Variants in ABCF2 observed in about 807,000 individuals in gnomAD.
ABCF2 encodes the protein ATP binding cassette subfamily F member 2, also known as ATP-binding cassette sub-family F member 2.
ABCF2 carries 37 observed loss-of-function variants against 76.9 expected under a neutral mutation model. The observed-to-expected ratio is 0.48, with a 90% CI of 0.37 to 0.63. The LOEUF (loss-of-function observed/expected upper bound fraction) is 0.63, where lower values mean the gene tolerates loss of function less well. ABCF2 is among the 30% of genes least tolerant of loss of function. ABCF2 has a pLI of 0.00. For missense variants in ABCF2, 524 were observed against 782.1 expected (o/e 0.67, Z 3.94); for synonymous variants, 299 against 283.7 (o/e 1.05, Z -0.54).
At position 151,214,341 on chromosome 7, in the gene ABCF2, G is replaced by A; in HGVS notation, c.1735-150C>T. Reference sequence around the variant, plus strand: ...TCACTACTTCTAAGTTATTTGGGATGTTCTAACCCAAGGGTACCATCATCA... The same window carrying A: ...TCACTACTTCTAAGTTATTTGGGATATTCTAACCCAAGGGTACCATCATCA... On this transcript the variant is annotated intron_variant, in intron 14 of 14. Transcript: ENST00000287844. This position sits in a 1 kb window ranked among gnomAD's most constrained non-coding sequence, Gnocchi z 4.9. 1 of 1,225,186 alleles carries A rather than the reference G, an allele frequency of 8.2e-7. No individual in the cohort carries two copies. Among genetic ancestry groups the A allele is most frequent in the Non-Finnish European group, 1.1e-6 (1 of 870,416 alleles). 75.9% of individuals were successfully genotyped at this position (1,225,186 alleles called of 1,614,324 possible). A position where few individuals can be genotyped will look rare whatever the true frequency, so the allele number is the denominator to read the frequency against.
At position 151,219,140 on chromosome 7, in the gene ABCF2, A is replaced by G; in HGVS notation, c.941T>C (p.Val314Ala). ...KYYTGNYDQY[V>A]KTRLELEENQ... ...CTCCTCCAGCTCTAGCCGCGTCTTC[A>G]CGTACTGATCATAATTACCCTGCAT... Residue 314 changes from valine (V) to alanine (A), a missense_variant, in exon 8 of 15, where the codon GTG (valine) becomes GCG (alanine). Around this residue, in one of 2 missense-constraint regions of ABCF2, gnomAD observed 330 missense variants for 433.6 expected, o/e 0.76. Transcript: ENST00000287844. The G allele has an allele frequency of 1.2e-6, 2 of 1,613,988 alleles. No individual in the cohort carries two copies. The highest frequency in any genetic ancestry group is 1.7e-6 in the Non-Finnish European group (2 of 1,179,986).
chr7:151,223,537 C>A, intron 5 of ABCF2, 141 bp downstream of exon 5: 2 of 996,238 alleles, frequency 2.0e-6, no homozygotes, highest in African/African-American at 1.6e-5. Context: ...CCATACACAA[C>A]AACCCCCTCC....
At chr7:151,222,368 T>C (rs1206911879) in intron 6 of ABCF2, among the ~76,000 whole-genome samples, 153 bp downstream of exon 6, 1 of 152,098 alleles carries the variant, frequency 6.6e-6, no homozygotes, top group Non-Finnish European at 1.5e-5. Flanking sequence ...TCAACAGCCC[T>C]AAAGGTGCTC....
intron 11 of ABCF2, among the ~76,000 whole-genome samples, chr7:151,217,039 T>C (rs1174754186): frequency 6.6e-6 from 1 of 152,260 alleles, no homozygotes; most frequent in Non-Finnish European, 1.5e-5. Flanking sequence ...TAATCACGAA[T>C]GTGGCTGGTT....
rs926378554 is a variant in ABCF2 at position 151,215,019 on chromosome 7, A to C, written c.1594T>G (p.Trp532Gly). Residue 532 changes from tryptophan to glycine, a missense_variant, in exon 14 of 15, where the codon TGG (tryptophan) becomes GGG (glycine). Coordinates refer to ENST00000287844, the MANE Select transcript of ABCF2 (RefSeq NM_007189.3). This position sits in a 1 kb window ranked among gnomAD's most constrained non-coding sequence, Gnocchi z 4.6. ...AGGAAGAGCATGTGGGGGTTCTGCC[A>C]GGCCAGCCAGGCCAGACACACTCGG... ...KCRVCLAWLA[W>G]QNPHMLFLDE... 1.9e-6 allele frequency: 3 copies of C among 1,614,062 alleles called. No homozygotes were observed. The highest frequency in any genetic ancestry group is 1.7e-6 in the Non-Finnish European group (2 of 1,180,030).
rs552119180 is a variant in ABCF2, at chr7:151,225,389, A to G, written c.155-401T>C. Among the ~76,000 whole-genome samples, 9 of 152,372 alleles carry G rather than the reference A, an allele frequency of 5.9e-5. No homozygotes were observed. In the South Asian group the frequency reaches 1.7e-3, roughly 28 times the overall value. On this transcript the variant is annotated intron_variant, in intron 2 of 14. Coordinates refer to ENST00000287844, the MANE Select transcript of ABCF2 (RefSeq NM_007189.3). The stretch of plus-strand genomic sequence containing the variant: ...AGAAGCAAGTCATAAAAAAAACCCA[A>G]GACAGGGTCCTTGCACTCAAAGATG...
rs766733001 is a variant in ABCF2, at chr7:151,223,745, G to A, written c.655C>T (p.Pro219Ser). 6.2e-7 allele frequency: 1 copy of A among 1,613,462 alleles called. No individual in the cohort carries two copies. The highest frequency in any genetic ancestry group is 1.1e-5 in the South Asian group (1 of 91,008). ...TTTAGCTTCTTGCGCTGCATGGCAG[G>A]TGTGAAACCCAGTCCATGCAAGATC... is the stretch of plus-strand genomic sequence containing the variant. ...SRILHGLGFT[P>S]AMQRKKLKDF... Residue 219 changes from proline to serine, a missense_variant, in exon 5 of 15, where the codon CCT becomes TCT. Physicochemically the swap from Pro to Ser is moderately conservative, Grantham distance 74. Around this residue, in one of 2 missense-constraint regions of ABCF2, gnomAD observed 330 missense variants for 433.6 expected, o/e 0.76. Coordinates refer to ENST00000287844, the MANE Select transcript of ABCF2 (RefSeq NM_007189.3).
chr7:151,211,485 A>AT lies in ABCF2; in HGVS notation c.*2568_*2569insA. On this transcript the variant is annotated 3_prime_UTR_variant, in exon 15 of 15. Transcript: ENST00000287844. ...TCTCAATCCAAAACAAGGCACTGCT[A>AT]ATTTTAGAAATATGTATTTTGTGGA... 2.1e-6 allele frequency: 2 copies of AT among 972,254 alleles called. No individual in the cohort carries two copies. The highest frequency in any genetic ancestry group is 2.4e-6 in the Non-Finnish European group (2 of 817,832). The allele number at this position is 972,254 out of a possible 1,614,324, so 60.2% of individuals were successfully genotyped here.
At chr7:151,218,375 T>C (rs1364565452) in intron 10 of ABCF2, among the ~76,000 whole-genome samples, 184 bp from the exon 11 acceptor site, 1 of 152,094 alleles carries the variant, frequency 6.6e-6, no homozygotes, top group South Asian at 2.1e-4. Flanking sequence ...TGAGTAGTCT[T>C]CTTTCCATAT....
At chr7:151,221,515 T>TTA in intron 7 of ABCF2, 63 bp downstream of exon 7, 2 of 1,083,910 alleles carry the variant, frequency 1.8e-6, no homozygotes, top group Non-Finnish European at 2.7e-6. Flanking sequence ...TTTTTTTTTT[T>TTA]AAAGAGAATT....
intron 11 of ABCF2, among the ~76,000 whole-genome samples, chr7:151,217,839 T>TCA (rs1471311505): frequency 1.3e-5 from 2 of 150,962 alleles, no homozygotes; most frequent in African/African-American, 2.4e-5. Flanking sequence ...ATACATGTAT[T>TCA]CACACACACA....
In ABCF2 at chr7:151,218,077, A is replaced by G. The variant is rs781423460; in HGVS notation, c.1338+4T>C. 22 of 1,608,120 alleles carry G rather than the reference A, an allele frequency of 1.4e-5. No homozygotes were observed. Among genetic ancestry groups the G allele is most frequent in the Non-Finnish European group, 1.8e-5 (21 of 1,174,768 alleles). On this transcript the variant is annotated splice_donor_region_variant and intron_variant, in intron 11 of 14. Coordinates refer to ENST00000287844, the MANE Select transcript of ABCF2 (RefSeq NM_007189.3). ...AGGGATCCACGCCCACCTTGGCACC[A>G]TACCTCTCCAGTTAGCAGCTTCAGA...
chr7:151,217,817 G>A (rs1242439279), intron 11 of ABCF2, among the ~76,000 whole-genome samples: 3 of 151,046 alleles, frequency 2.0e-5, no homozygotes, highest in African/African-American at 4.9e-5. Flanking sequence ...AAATAGAAAC[G>A]TGCTTAAACA....
chr7:151,218,796 T>C lies in ABCF2; in HGVS notation c.1095A>G (p.Lys365=). 1.2e-6 allele frequency: 2 copies of C among 1,613,718 alleles called. No homozygotes were observed. Among genetic ancestry groups the C allele is most frequent in the Non-Finnish European group, 1.7e-6 (2 of 1,179,986 alleles). Residue 365 remains lysine, a synonymous_variant, in exon 9 of 15, where the codon AAA becomes AAG. Coordinates refer to ENST00000287844, the MANE Select transcript of ABCF2 (RefSeq NM_007189.3). ...TCTCTGTCAGTCCTGATGCCATCAT[T>C]TTCTGTAGCGTCTTCTCCTTGCTCT... ...QAQSKEKTLQ[K]MMASGLTERV...
At position 151,215,977 on chromosome 7, in the gene ABCF2, C is replaced by T. The variant is rs377263568; in HGVS notation, c.1391G>A (p.Arg464His). Residue 464 changes from arginine (R) to histidine (H), a missense_variant, in exon 12 of 15, where the codon CGT (arginine) becomes CAT (histidine). Transcript: ENST00000287844. The surrounding 1 kb of genome is among the most constrained non-coding windows in gnomAD (Gnocchi z 4.6). ...IRKHSHVKIG[R>H]YHQHLQEQLD... ...ACCCCAGGCCTGTACCTGATGGTAA[C>T]GCCCTATCTTGACATGAGAGTGTTT... The T allele has an allele frequency of 1.1e-5, 17 of 1,613,988 alleles. No homozygotes were observed. The highest frequency in any genetic ancestry group is 1.6e-4 in the Middle Eastern group (1 of 6,084).
chr7:151,214,016 C>T lies in ABCF2; in HGVS notation c.*38G>A, dbSNP rs770202507. Reference sequence around the variant, plus strand: ...CTGGTCAGGTTAGCAGCTGTTAGTTCCCAGATGGAGCTCCTGACCCGAACC... The same window carrying T: ...CTGGTCAGGTTAGCAGCTGTTAGTTTCCAGATGGAGCTCCTGACCCGAACC... On this transcript the variant is annotated 3_prime_UTR_variant, in exon 15 of 15. Coordinates refer to ENST00000287844, the MANE Select transcript of ABCF2 (RefSeq NM_007189.3). The surrounding 1 kb of genome is among the most constrained non-coding windows in gnomAD (Gnocchi z 4.9). The T allele has an allele frequency of 1.9e-6, 3 of 1,608,700 alleles. No homozygotes were observed. The South Asian group carries it at 3.3e-5, about 18-fold the overall frequency.
chr7:151,223,910 A>T, intron 4 of ABCF2, 22 bp downstream of exon 4: 1 of 1,609,782 alleles, frequency 6.2e-7, no homozygotes. Flanking sequence ...GCCCACCCCT[A>T]TGCCCAGGTC....
At chr7:151,220,596 A>G (rs942404665) in intron 7 of ABCF2, among the ~76,000 whole-genome samples, 6 of 152,312 alleles carry the variant, frequency 3.9e-5, no homozygotes, top group African/African-American at 1.2e-4. Flanking sequence ...AAGGCACAAC[A>G]GTGGGCTATT....
In ABCF2 at chr7:151,226,463, A is replaced by G. The variant is rs769508187; in HGVS notation, c.-5T>C. The stretch of plus-strand genomic sequence containing the variant: ...CTTGGCCAGGTCGGAGGGCATGATG[A>G]TGACCCACAGGGGTAGGTTACTGTT... On this transcript the variant is annotated 5_prime_UTR_variant, in exon 2 of 15. Transcript: ENST00000287844. 8 of 1,613,296 alleles carry G rather than the reference A, an allele frequency of 5.0e-6. No individual in the cohort carries two copies. The highest frequency in any genetic ancestry group is 5.9e-6 in the Non-Finnish European group (7 of 1,179,790).
Sources: gnomAD v4.1 joint callset for allele counts (sites outside exome capture counted in the v4.1 genomes callset) on GRCh38, gnomAD v4.1.1 for gene constraint, gnomAD v4.1.1 regional missense constraint, Gnocchi (gnomAD v3.1) non-coding constraint, MANE v1.5 for transcripts, NCBI Gene and HGNC (gene_info 2026-07-23, HGNC 2026-07-21) for gene names.